Variants in DENND6A observed in about 807,000 individuals in gnomAD.
DENND6A encodes DENN domain containing 6A, also known as protein DENND6A.
DENND6A carries 43 observed loss-of-function variants against 95.5 expected under a neutral mutation model. That is an observed-to-expected ratio of 0.45 (90% CI 0.35 to 0.58). The LOEUF (loss-of-function observed/expected upper bound fraction) is 0.58, where lower values mean the gene tolerates loss of function less well. DENND6A is among the 20% of genes least tolerant of loss of function. DENND6A has a pLI of 0.00. For missense variants in DENND6A, 574 were observed against 736.0 expected (o/e 0.78, Z 2.55); for synonymous variants, 257 against 260.4 (o/e 0.99, Z 0.13).
chr3:57,631,053 T>C, intron 15 of DENND6A, 75 bp from the exon 16 acceptor site: 1 of 1,407,080 alleles, frequency 7.1e-7, no homozygotes, highest in Non-Finnish European at 9.9e-7. Flanking sequence ...AAGGAATGGG[T>C]CTTTTAAGTT....
intron 5 of DENND6A, among the ~76,000 whole-genome samples, chr3:57,663,237 C>T (rs1055967332): frequency 6.7e-6 from 1 of 148,260 alleles, no homozygotes; most frequent in Non-Finnish European, 1.5e-5. Flanking sequence ...GAAGCTGAGG[C>T]ATGTGGATCA....
intron 9 of DENND6A, 112 bp downstream of exon 9, chr3:57,657,568 C>G: frequency 1.5e-6 from 1 of 674,942 alleles, no homozygotes; most frequent in Non-Finnish European, 2.5e-6. Flanking sequence ...TAAAACATAA[C>G]TATTTTCTTC....
rs72874856 is a variant in DENND6A, at chr3:57,683,114, C to T, written c.237+9668G>A. Among the ~76,000 whole-genome samples the T allele has an allele frequency of 6.8e-3, 1,034 of 152,282 alleles. 12 individuals carry two copies. The highest frequency in any genetic ancestry group is 0.023 in the African/African-American group (961 of 41,558). On this transcript the variant is annotated intron_variant, in intron 1 of 19. Coordinates refer to ENST00000311128, the MANE Select transcript of DENND6A (RefSeq NM_152678.3). The stretch of plus-strand genomic sequence containing the variant: ...ATGGCCTATGCAAATGGTCCCAGTG[C>T]TCCTATTATAATAGGTACCAACAAA...
At chr3:57,686,191 C>G (rs1575872353) in intron 1 of DENND6A, among the ~76,000 whole-genome samples, 1 of 152,082 alleles carries the variant, frequency 6.6e-6, no homozygotes, top group Non-Finnish European at 1.5e-5. Flanking sequence ...CAGATATTTC[C>G]ATATCCCAGG....
At chr3:57,679,031 A>C (rs2077135090) in intron 1 of DENND6A, among the ~76,000 whole-genome samples, 1 of 152,210 alleles carries the variant, frequency 6.6e-6, no homozygotes, top group African/African-American at 2.4e-5. Context: ...TTGAATCCAG[A>C]AGGTGGAGGT....
chr3:57,660,898 T>A, intron 6 of DENND6A, 59 bp from the exon 7 acceptor site: 1 of 1,431,768 alleles, frequency 7.0e-7, no homozygotes. Context: ...GTATTAAAAA[T>A]GAGGCATTAG....
At chr3:57,653,004 C>G (rs904985686) in intron 9 of DENND6A, among the ~76,000 whole-genome samples, 2 of 152,074 alleles carry the variant, frequency 1.3e-5, no homozygotes, top group Non-Finnish European at 2.9e-5. Context: ...ATTAACTTAT[C>G]AATGTTGATT....
intron 12 of DENND6A, 97 bp from the exon 13 acceptor site, chr3:57,634,866 TA>T (rs1172268157): frequency 1.0e-6 from 1 of 985,384 alleles, no homozygotes; most frequent in African/African-American, 1.6e-5. Flanking sequence ...ATTACTTAAG[TA>T]TGTTATAATG....
chr3:57,681,138 G>A (rs1051195213), intron 1 of DENND6A, among the ~76,000 whole-genome samples: 1 of 152,086 alleles, frequency 6.6e-6, no homozygotes, highest in Non-Finnish European at 1.5e-5. Flanking sequence ...AAACAAGCCT[G>A]GACAACATAG....
chr3:57,670,942 T>C (rs2071606415), intron 3 of DENND6A, among the ~76,000 whole-genome samples: 1 of 152,214 alleles, frequency 6.6e-6, no homozygotes, highest in Admixed American at 6.5e-5. Flanking sequence ...AAATGTTAAC[T>C]GAAATGAAGA....
chr3:57,654,725 C>A (rs763921802), intron 9 of DENND6A: 1 of 984,934 alleles, frequency 1.0e-6, no homozygotes, highest in Non-Finnish European at 1.2e-6. Flanking sequence ...TGGAATAGAC[C>A]TTGACCTAGT....
intron 11 of DENND6A, among the ~76,000 whole-genome samples, chr3:57,644,164 A>AAC (rs2071014913): frequency 6.6e-6 from 1 of 151,828 alleles, no homozygotes; most frequent in Non-Finnish European, 1.5e-5. Flanking sequence ...AAAAAAAAAA[A>AAC]AAACTATCAG....
chr3:57,692,673 G>T, intron 1 of DENND6A, 109 bp downstream of exon 1: 2 of 1,041,330 alleles, frequency 1.9e-6, no homozygotes, highest in Non-Finnish European at 2.6e-6. Context: ...GCCACGCCCG[G>T]ATGCGCCGCG....
chr3:57,648,358 A>C (rs755803384), intron 9 of DENND6A, among the ~76,000 whole-genome samples: 1 of 152,164 alleles, frequency 6.6e-6, no homozygotes, highest in Non-Finnish European at 1.5e-5. Context: ...AGACGACACA[A>C]ACAAATGGAA....
At chr3:57,629,033 T>C (rs879816988) in intron 18 of DENND6A, 148 bp from the exon 19 acceptor site, 49 of 552,730 alleles carry the variant, frequency 8.9e-5, no homozygotes, top group Non-Finnish European at 1.3e-4. Context: ...AGTGCAAGAA[T>C]AATTCTCATA....
rs1316061758 is a variant in DENND6A at position 57,626,396 on chromosome 3, G to A, written c.*1818C>T. On this transcript the variant is annotated 3_prime_UTR_variant, in exon 20 of 20. Transcript: ENST00000311128. Reference sequence around the variant, plus strand: ...GACACAGCTATTAACCACATGCTGTGTCATGTGTGCCTATTTTAGTTAGTG... The same window carrying A: ...GACACAGCTATTAACCACATGCTGTATCATGTGTGCCTATTTTAGTTAGTG... 1.3e-5 allele frequency: 2 copies of A among 152,154 alleles called. No individual in the cohort carries two copies. The highest frequency in any genetic ancestry group is 2.9e-5 in the Non-Finnish European group (2 of 68,032). 9.4% of individuals were successfully genotyped at this position (152,154 alleles called of 1,614,324 possible).
chr3:57,644,983 A>T (rs2071047548), intron 11 of DENND6A, among the ~76,000 whole-genome samples: 1 of 151,888 alleles, frequency 6.6e-6, no homozygotes, highest in African/African-American at 2.4e-5. Flanking sequence ...GAGATCGTAC[A>T]TGCAGATTTT....
At chr3:57,661,401 G>T (rs1015895126) in intron 6 of DENND6A, 45 bp downstream of exon 6, 2 of 1,362,842 alleles carry the variant, frequency 1.5e-6, no homozygotes, top group Non-Finnish European at 2.0e-6. Context: ...CTTATTTCCA[G>T]TAAAAATTTT....
intron 17 of DENND6A, 93 bp downstream of exon 17, chr3:57,630,622 A>AT: frequency 6.5e-7 from 1 of 1,528,572 alleles, no homozygotes; most frequent in Non-Finnish European, 8.8e-7. Context: ...CTTTAGTAGA[A>AT]TTTTTTAAAA....
Sources: allele counts gnomAD v4.1 joint callset (sites outside exome capture counted in the v4.1 genomes callset), GRCh38; gene constraint gnomAD v4.1.1; transcripts MANE v1.5; gene names NCBI Gene and HGNC (gene_info 2026-07-23, HGNC 2026-07-21).